Variants in PHACTR2 observed in about 807,000 individuals in gnomAD.
The protein encoded by PHACTR2 is chromosome 6 open reading frame 56.
A neutral mutation model predicts 76.0 loss-of-function variants in PHACTR2; 30 were observed. That is an observed-to-expected ratio of 0.39 (90% CI 0.30 to 0.54). PHACTR2 has a LOEUF of 0.54. Ranked by LOEUF, PHACTR2 falls within the 20% of genes least tolerant of loss-of-function variation. The pLI is 0.61. For synonymous variants in PHACTR2, 292 were observed against 292.5 expected, an observed-to-expected ratio of 1.00 and a Z score of 0.02; for missense variants, 696 against 781.1, an observed-to-expected ratio of 0.89 and a Z score of 1.30.
chr6:143,709,198 C>T lies in PHACTR2; in HGVS notation c.47-2818C>T, dbSNP rs534118604. ...TTCAAAATCAGTCTGTCCCCTGTAT[C>T]TCTATCTGTTGTGCTATGGCTGAAA... is the stretch of plus-strand genomic sequence containing the variant. On this transcript the variant is annotated intron_variant, in intron 1 of 12. Transcript: ENST00000440869. This position sits in a 1 kb window ranked among gnomAD's most constrained non-coding sequence, Gnocchi z 4.4. 1.3e-5 allele frequency among the ~76,000 whole-genome samples: 2 copies of T among 152,294 alleles called. No individual in the cohort carries two copies. The highest frequency in any genetic ancestry group is 4.1e-4 in the South Asian group (2 of 4,832).
chr6:143,555,923 C>CT lies in PHACTR2; in HGVS notation c.217+18731dup, dbSNP rs11325694. ...GAATTTAGGGCACTATGACATTTAG[C>CT]TTTTTTTTTTTTTTTAAAGACTGTT... On this transcript the variant is annotated intron_variant, in intron 1 of 11. Coordinates refer to the PHACTR2 transcript ENST00000367584. 1.5e-3 allele frequency among the ~76,000 whole-genome samples: 208 copies of CT among 138,876 alleles called. 1 individual carries two copies. Among genetic ancestry groups the CT allele is most frequent in the South Asian group, 4.1e-3 (18 of 4,374 alleles). 91.1% of individuals were successfully genotyped at this position (138,876 alleles called of 152,430 possible).
In PHACTR2 at chr6:143,708,746, C is replaced by T. The variant is rs150817106; in HGVS notation, c.47-3270C>T. On this transcript the variant is annotated intron_variant, in intron 1 of 12. Coordinates refer to ENST00000440869, the MANE Select transcript of PHACTR2 (RefSeq NM_001100164.2). This position sits in a 1 kb window ranked among gnomAD's most constrained non-coding sequence, Gnocchi z 5.5. Reference sequence around the variant, plus strand: ...ATTTAAGAGAAGTACAATGGCACATCGGCCAACTGTGCCAACATATGGTTT... The same window carrying T: ...ATTTAAGAGAAGTACAATGGCACATTGGCCAACTGTGCCAACATATGGTTT... Among the ~76,000 whole-genome samples the T allele has an allele frequency of 8.5e-5, 13 of 152,288 alleles. No homozygotes were observed. The East Asian group carries it at 1.9e-3, about 23-fold the overall frequency.
intron 1 of PHACTR2, among the ~76,000 whole-genome samples, chr6:143,707,291 C>T (rs1040416831): frequency 2.0e-5 from 3 of 152,192 alleles, no homozygotes; most frequent in Non-Finnish European, 2.9e-5. Context: ...TTGTTTACCA[C>T]ACATGATTTC....
chr6:143,690,902 G>C (rs1777629621), intron 1 of PHACTR2, among the ~76,000 whole-genome samples: 1 of 152,146 alleles, frequency 6.6e-6, no homozygotes, highest in South Asian at 2.1e-4. Context: ...GTATTTTTCT[G>C]TGTTTTTATT....
In PHACTR2 at chr6:143,611,941, C is replaced by A. The variant is rs1420787637; in HGVS notation, c.13+3619C>A. ...GGAGAACTGCAGCAGTCAAAGGAGA[C>A]CCTGGAGGTTTCCCGTTAGAGAATT... is the stretch of plus-strand genomic sequence containing the variant. On this transcript the variant is annotated intron_variant, in intron 1 of 11. Transcript: ENST00000305766. This position sits in a 1 kb window ranked among gnomAD's most constrained non-coding sequence, Gnocchi z 4.4. Among the ~76,000 whole-genome samples, 3 of 152,132 alleles carry A rather than the reference C, an allele frequency of 2.0e-5. No individual in the cohort carries two copies. The highest frequency in any genetic ancestry group is 7.2e-5 in the African/African-American group (3 of 41,418).
At position 143,547,492 on chromosome 6, in the gene PHACTR2, A is replaced by G. The variant is rs1401335773; in HGVS notation, c.217+10285A>G. On this transcript the variant is annotated intron_variant, in intron 1 of 11. Transcript: ENST00000367584. This position sits in a 1 kb window ranked among gnomAD's most constrained non-coding sequence, Gnocchi z 4.2. The stretch of plus-strand genomic sequence containing the variant: ...CCACACAAGGTCATATGTGCTAACC[A>G]AGCAGATCAGTTGGAACTGTTAACA... Among the ~76,000 whole-genome samples, 1 of 152,234 alleles carries G rather than the reference A, an allele frequency of 6.6e-6. No homozygotes were observed. The highest frequency in any genetic ancestry group is 1.5e-5 in the Non-Finnish European group (1 of 68,038).
In PHACTR2 at chr6:143,602,156, CT is replaced by C. The variant is rs1417456906; in HGVS notation, c.217+64950del. Among the ~76,000 whole-genome samples, 11 of 152,214 alleles carry C rather than the reference CT, an allele frequency of 7.2e-5. No homozygotes were observed. Among genetic ancestry groups the C allele is most frequent in the Non-Finnish European group, 2.9e-5 (2 of 68,042 alleles). On this transcript the variant is annotated intron_variant, in intron 1 of 11. Transcript: ENST00000367584. The surrounding 1 kb of genome is among the most constrained non-coding windows in gnomAD (Gnocchi z 6.1). ...TTTTGTTTTCACTCTCGCTCTCCCC[CT>C]CCCTAATAGTTTTATGGTTTTGAAG... is the stretch of plus-strand genomic sequence containing the variant.
chr6:143,736,294 G>A (rs1402920090), intron 2 of PHACTR2, among the ~76,000 whole-genome samples: 1 of 150,968 alleles, frequency 6.6e-6, no homozygotes, highest in African/African-American at 2.4e-5. Flanking sequence ...GTAAACTAGC[G>A]AGGCACAGAA....
At chr6:143,673,319 T>G (rs996190053), upstream of PHACTR2, among the ~76,000 whole-genome samples, 1 of 124,540 alleles carries the variant, frequency 8.0e-6, no homozygotes, top group Non-Finnish European at 1.9e-5. Context: ...ATTTTACATG[T>G]ATTCCCAGAT....
intron 2 of PHACTR2, among the ~76,000 whole-genome samples, chr6:143,726,015 A>C (rs534877702): frequency 2.0e-4 from 31 of 152,322 alleles, no homozygotes; most frequent in African/African-American, 7.5e-4. Flanking sequence ...TGAAAGACAC[A>C]TGGGTTGTTT....
rs1776288706 is a variant in PHACTR2, at chr6:143,627,922, A to G, written c.13+19600A>G. On this transcript the variant is annotated intron_variant, in intron 1 of 11. Coordinates refer to the PHACTR2 transcript ENST00000305766. This position sits in a 1 kb window ranked among gnomAD's most constrained non-coding sequence, Gnocchi z 4.3. ...TTTTCATCTACCTCAAGAAAACCCT[A>G]TACCCATTGTGCAGTCATGACTATT... 6.6e-6 allele frequency among the ~76,000 whole-genome samples: 1 copy of G among 152,006 alleles called. No homozygotes were observed. The highest frequency in any genetic ancestry group is 2.1e-4 in the South Asian group (1 of 4,804).
In PHACTR2 at chr6:143,652,154, C is replaced by A. The variant is rs1249085971; in HGVS notation, c.13+43832C>A. ...TGATGGGGGAACCGTTTACTAGGTA[C>A]AACCACAAGATATTTGGTCAAAAAG... On this transcript the variant is annotated intron_variant, in intron 1 of 11. Transcript: ENST00000305766. The surrounding 1 kb of genome is among the most constrained non-coding windows in gnomAD (Gnocchi z 4.5). Among the ~76,000 whole-genome samples, 3 of 151,178 alleles carry A rather than the reference C, an allele frequency of 2.0e-5. No individual in the cohort carries two copies. Among genetic ancestry groups the A allele is most frequent in the African/African-American group, 4.9e-5 (2 of 41,218 alleles).
rs142862999 is a variant in PHACTR2 at position 143,772,782 on chromosome 6, T to C, written c.1432+325T>C. Reference sequence around the variant, plus strand: ...TTCTCACTATGACCAAAGAGAGCCCTTCCACTCTGGGCCTGTTGTTGAAGA... The same window carrying C: ...TTCTCACTATGACCAAAGAGAGCCCCTCCACTCTGGGCCTGTTGTTGAAGA... On this transcript the variant is annotated intron_variant, in intron 7 of 12. Coordinates refer to ENST00000440869, the MANE Select transcript of PHACTR2 (RefSeq NM_001100164.2). The surrounding 1 kb of genome is among the most constrained non-coding windows in gnomAD (Gnocchi z 5.4). 1.7e-4 allele frequency among the ~76,000 whole-genome samples: 26 copies of C among 152,318 alleles called. No individual in the cohort carries two copies. The highest frequency in any genetic ancestry group is 1.4e-3 in the Admixed American group (21 of 15,300).
chr6:143,760,578 C>A lies in PHACTR2; in HGVS notation c.632C>A (p.Pro211His), dbSNP rs1779416052. Residue 211 changes from proline to histidine, a missense_variant, in exon 5 of 13, where the codon CCT becomes CAT. By Grantham distance (77) the Pro-to-His change is moderately conservative. Transcript: ENST00000440869. This position sits in a 1 kb window ranked among gnomAD's most constrained non-coding sequence, Gnocchi z 6.4. ...CCCATTAAAAAAAATACCAAGGCTCCTGGTAAGCAGGCCCCCGTCCCTCCA... is the reference window on the plus strand; with the variant it reads ...CCCATTAAAAAAAATACCAAGGCTCATGGTAAGCAGGCCCCCGTCCCTCCA... The part of the protein sequence containing the change: ...VPPIKKNTKA[P>H]GKQAPVPPPK... 6.2e-7 allele frequency: 1 copy of A among 1,613,924 alleles called. No homozygotes were observed. The highest frequency in any genetic ancestry group is 1.3e-5 in the African/African-American group (1 of 75,024).
intron 12 of PHACTR2, among the ~76,000 whole-genome samples, chr6:143,808,554 T>A (rs997834865): frequency 4.6e-5 from 7 of 152,210 alleles, no homozygotes; most frequent in African/African-American, 1.4e-4. Context: ...ATAAGTAATC[T>A]AAAGATTATT....
At chr6:143,544,887 A>G (rs1781209411) in intron 1 of PHACTR2, among the ~76,000 whole-genome samples, 1 of 152,190 alleles carries the variant, frequency 6.6e-6, no homozygotes, top group Admixed American at 6.5e-5. Flanking sequence ...AAAAATGTGT[A>G]AATAGAAGAT....
intron 1 of PHACTR2, among the ~76,000 whole-genome samples, chr6:143,564,155 A>ATG (rs1775323492): frequency 7.4e-6 from 1 of 135,386 alleles, no homozygotes; most frequent in African/African-American, 2.7e-5. Context: ...TCTTAGTTAT[A>ATG]TGTGTGTGTG....
At chr6:143,667,531 T>A (rs11962246) in intron 1 of PHACTR2, among the ~76,000 whole-genome samples, 5,234 of 152,290 alleles carry the variant, frequency 0.034, 273 homozygotes, top group African/African-American at 0.12. Flanking sequence ...TCCATTTGTT[T>A]GTGTCCTCTC....
chr6:143,729,423 A>G (rs1211419058), intron 2 of PHACTR2, among the ~76,000 whole-genome samples: 2 of 152,082 alleles, frequency 1.3e-5, no homozygotes, highest in African/African-American at 2.4e-5. Flanking sequence ...TCAGGTCACA[A>G]AGATTTTTAT....
Sources: allele counts gnomAD v4.1 joint callset (sites outside exome capture counted in the v4.1 genomes callset), GRCh38; gene constraint gnomAD v4.1.1; non-coding constraint Gnocchi (gnomAD v3.1); transcripts MANE v1.5; gene names NCBI Gene and HGNC (gene_info 2026-07-23, HGNC 2026-07-21).